The following AGBL4 variants were observed in gnomAD, a reference collection of about 807,000 sequenced individuals.
The protein encoded by AGBL4 is cytosolic carboxypeptidase 6.
In AGBL4, 58 loss-of-function variants were observed where a neutral mutation model predicts 66.4. That is an observed-to-expected ratio of 0.87 (90% confidence interval 0.71 to 1.09). AGBL4 has a LOEUF of 1.09. AGBL4 is among the 50% of genes least tolerant of loss of function. AGBL4 has a pLI of 0.00. For synonymous variants in AGBL4, 234 were observed against 222.9 expected (o/e 1.05, Z -0.44); for missense variants, 579 against 631.0 (o/e 0.92, Z 0.88).
intron 3 of AGBL4, among the ~76,000 whole-genome samples, chr1:49,334,041 T>A (rs926426874): frequency 6.6e-6 from 1 of 152,178 alleles, no homozygotes; most frequent in African/African-American, 2.4e-5. Flanking sequence ...CTAGACACTA[T>A]CATCTGTTGC....
At chr1:48,630,461 A>G (rs1645575317) in intron 9 of AGBL4, among the ~76,000 whole-genome samples, 1 of 152,048 alleles carries the variant, frequency 6.6e-6, no homozygotes, top group Non-Finnish European at 1.5e-5. Context: ...CAGGAAAAGT[A>G]CCACACTACT....
At chr1:49,638,895 C>A (rs1480678623) in intron 3 of AGBL4, among the ~76,000 whole-genome samples, 1 of 152,158 alleles carries the variant, frequency 6.6e-6, no homozygotes, top group Non-Finnish European at 1.5e-5. Flanking sequence ...CTGTGCAAGG[C>A]AGGACAAGGC....
intron 3 of AGBL4, among the ~76,000 whole-genome samples, chr1:49,673,006 A>G (rs896080630): frequency 1.3e-5 from 2 of 151,910 alleles, no homozygotes; most frequent in African/African-American, 4.8e-5. Flanking sequence ...AAGAAAAGAC[A>G]TACACTTCCA....
At chr1:50,004,732 T>C (rs1044887230) in intron 1 of AGBL4, among the ~76,000 whole-genome samples, 1 of 152,112 alleles carries the variant, frequency 6.6e-6, no homozygotes, top group African/African-American at 2.4e-5. Flanking sequence ...CATTTGCTGA[T>C]TAATGAGCCC....
intron 3 of AGBL4, among the ~76,000 whole-genome samples, chr1:49,298,352 C>A (rs138638253): frequency 3.3e-5 from 5 of 152,234 alleles, no homozygotes; most frequent in Non-Finnish European, 2.9e-5. Flanking sequence ...CCTCTCCCCC[C>A]AGGTTCCCTG....
At chr1:49,903,867 C>T (rs1438466878) in intron 1 of AGBL4, among the ~76,000 whole-genome samples, 2 of 152,100 alleles carry the variant, frequency 1.3e-5, no homozygotes, top group Non-Finnish European at 2.9e-5. Context: ...CAGTCTCAAG[C>T]ACTGAGAACA....
At chr1:48,914,394 C>T (rs552321243) in intron 5 of AGBL4, among the ~76,000 whole-genome samples, 2 of 151,974 alleles carry the variant, frequency 1.3e-5, no homozygotes, top group South Asian at 4.2e-4. Flanking sequence ...GGGGCAGATG[C>T]CAATCTGTAA....
At chr1:49,630,250 T>C (rs1645545244) in intron 3 of AGBL4, among the ~76,000 whole-genome samples, 1 of 152,172 alleles carries the variant, frequency 6.6e-6, no homozygotes, top group Non-Finnish European at 1.5e-5. Context: ...GAATACACAG[T>C]GTATGGGACC....
rs540102617 is a variant in AGBL4 at position 48,963,070 on chromosome 1, A to G, written c.594+82514T>C. Reference sequence around the variant, plus strand: ...CTGCTGCTATCACAGAATACCACAGACTGGGTAATTTTCTAAGAACAGAAG... The same window carrying G: ...CTGCTGCTATCACAGAATACCACAGGCTGGGTAATTTTCTAAGAACAGAAG... On this transcript the variant is annotated intron_variant, in intron 5 of 13. Transcript: ENST00000371839. 1.4e-4 allele frequency among the ~76,000 whole-genome samples: 21 copies of G among 150,682 alleles called. 1 individual carries two copies. The South Asian group carries it at 4.4e-3, about 31-fold the overall frequency.
intron 11 of AGBL4, among the ~76,000 whole-genome samples, chr1:48,552,870 G>T (rs115096335): frequency 2.0e-5 from 3 of 151,710 alleles, no homozygotes; most frequent in Admixed American, 6.6e-5. Flanking sequence ...CCACTCACAG[G>T]CTGCATTAAT....
chr1:49,738,301 C>A (rs1650079920), intron 2 of AGBL4, among the ~76,000 whole-genome samples: 2 of 152,224 alleles, frequency 1.3e-5, no homozygotes, highest in Admixed American at 1.3e-4. Flanking sequence ...CGGAGCCCCG[C>A]TCATTGCTAG....
intron 6 of AGBL4, among the ~76,000 whole-genome samples, chr1:48,798,564 C>T (rs1203865436): frequency 6.6e-6 from 1 of 152,012 alleles, no homozygotes; most frequent in Non-Finnish European, 1.5e-5. Flanking sequence ...CATTTGCTTT[C>T]CTGATCATGA....
intron 5 of AGBL4, among the ~76,000 whole-genome samples, chr1:48,953,837 C>A (rs1354159971): frequency 6.6e-6 from 1 of 152,154 alleles, no homozygotes; most frequent in East Asian, 1.9e-4. Context: ...TGGGACTTGG[C>A]TCAGAGCAGG....
At chr1:48,629,621 A>G (rs954111835) in intron 9 of AGBL4, among the ~76,000 whole-genome samples, 6 of 152,154 alleles carry the variant, frequency 3.9e-5, no homozygotes, top group African/African-American at 1.4e-4. Context: ...ATGGCCATAG[A>G]GAGCTAATTT....
intron 3 of AGBL4, among the ~76,000 whole-genome samples, chr1:49,377,316 T>C (rs1468685792): frequency 6.6e-6 from 1 of 152,066 alleles, no homozygotes; most frequent in Non-Finnish European, 1.5e-5. Context: ...ATTGAAATAA[T>C]TCTTATCTCT....
intron 5 of AGBL4, among the ~76,000 whole-genome samples, chr1:48,909,057 C>T (rs951802431): frequency 6.6e-6 from 1 of 152,048 alleles, no homozygotes; most frequent in African/African-American, 2.4e-5. Context: ...AGCAGTATAG[C>T]AGATTTACCT....
At chr1:49,247,887 TAAAC>T (rs1343994242) in intron 3 of AGBL4, among the ~76,000 whole-genome samples, 3 of 152,156 alleles carry the variant, frequency 2.0e-5, no homozygotes, top group African/African-American at 7.2e-5. Context: ...AATTGACACT[TAAAC>T]AAAGTGGCTT....
At chr1:49,537,787 C>T (rs1651716234) in intron 3 of AGBL4, among the ~76,000 whole-genome samples, 1 of 152,094 alleles carries the variant, frequency 6.6e-6, no homozygotes, top group Non-Finnish European at 1.5e-5. Flanking sequence ...ATTAGCCAGG[C>T]ATGGTGGTGG....
chr1:48,748,571 G>T (rs2148619221), intron 6 of AGBL4, among the ~76,000 whole-genome samples: 1 of 152,312 alleles, frequency 6.6e-6, no homozygotes, highest in East Asian at 1.9e-4. Flanking sequence ...CAACTTCTGT[G>T]TTGGGGCTTG....
Sources: gnomAD v4.1 joint callset for allele counts (sites outside exome capture counted in the v4.1 genomes callset) on GRCh38, gnomAD v4.1.1 for gene constraint, MANE v1.5 for transcripts, NCBI Gene and HGNC (gene_info 2026-07-23, HGNC 2026-07-21) for gene names.